Variants in FOXP1 observed in about 807,000 individuals in gnomAD.
FOXP1 encodes the protein forkhead box P1.
A neutral mutation model predicts 98.2 loss-of-function variants in FOXP1; 15 were observed. The observed-to-expected ratio is 0.15, with a 90% CI of 0.10 to 0.24. The LOEUF (loss-of-function observed/expected upper bound fraction) is 0.24, where lower values mean the gene tolerates loss of function less well. Ranked by LOEUF, FOXP1 falls within the 10% of genes least tolerant of loss-of-function variation. The pLI, the probability that FOXP1 is intolerant of heterozygous loss-of-function variation, is 1.00. For synonymous variants in FOXP1, 371 were observed against 314.5 expected (o/e 1.18, Z -1.90); for missense variants, 633 against 848.5 (o/e 0.75, Z 3.15).
intron 7 of FOXP1, among the ~76,000 whole-genome samples, chr3:71,057,485 A>T (rs79249615): frequency 2.0e-5 from 3 of 149,448 alleles, no homozygotes; most frequent in Admixed American, 6.7e-5. Flanking sequence ...AAAAAAAAAA[A>T]TTTCCGATAC....
At chr3:71,505,275 G>T (rs1560578159) in intron 2 of FOXP1, among the ~76,000 whole-genome samples, 2 of 152,114 alleles carry the variant, frequency 1.3e-5, no homozygotes, top group East Asian at 3.8e-4. Flanking sequence ...AAGCAGAAAA[G>T]CAAGGACCCA....
intron 2 of FOXP1, among the ~76,000 whole-genome samples, chr3:71,539,930 TCTGTCTTG>T (rs1347302898): frequency 6.6e-6 from 1 of 152,234 alleles, no homozygotes; most frequent in African/African-American, 2.4e-5. Context: ...ACAAATAGTG[TCTGTCTTG>T]CTTATCCTGC....
chr3:71,210,625 A>C (rs2064382273), intron 5 of FOXP1, among the ~76,000 whole-genome samples: 1 of 152,190 alleles, frequency 6.6e-6, no homozygotes, highest in East Asian at 1.9e-4. Context: ...CGGCTGCTGG[A>C]ACAACTAACA....
At chr3:71,179,214 C>T (rs1446505920) in intron 6 of FOXP1, among the ~76,000 whole-genome samples, 2 of 149,682 alleles carry the variant, frequency 1.3e-5, no homozygotes, top group African/African-American at 5.0e-5. Context: ...CTGCAACCTC[C>T]GCCTCCCGGG....
intron 3 of FOXP1, among the ~76,000 whole-genome samples, chr3:71,388,814 GA>G (rs1213079039): frequency 2.0e-5 from 3 of 152,126 alleles, no homozygotes; most frequent in Non-Finnish European, 4.4e-5. Context: ...TCCTTGAAAA[GA>G]AAAGAAAAAT....
At chr3:71,052,435 A>G (rs1202663823) in intron 9 of FOXP1, 102 bp downstream of exon 9, 42 of 796,572 alleles carry the variant, frequency 5.3e-5, no homozygotes, top group Non-Finnish European at 8.6e-5. Flanking sequence ...CGATAGAGTC[A>G]GCTCAGTTGT....
At chr3:71,271,178 C>G (rs111273062) in intron 5 of FOXP1, among the ~76,000 whole-genome samples, 10,222 of 152,152 alleles carry the variant, frequency 0.067, 1,128 homozygotes, top group African/African-American at 0.23. Context: ...TGCACTGAGC[C>G]CAGATAATGC....
intron 6 of FOXP1, among the ~76,000 whole-genome samples, chr3:71,194,706 A>C (rs1001499406): frequency 2.6e-5 from 4 of 152,242 alleles, no homozygotes; most frequent in African/African-American, 9.6e-5. Flanking sequence ...GATAATAGGA[A>C]ATAAAAAGCA....
At chr3:71,235,628 G>A (rs1023203552) in intron 5 of FOXP1, among the ~76,000 whole-genome samples, 3 of 151,978 alleles carry the variant, frequency 2.0e-5, no homozygotes, top group Non-Finnish European at 4.4e-5. Flanking sequence ...GTGCAGTGGT[G>A]CAATCTCAGC....
intron 3 of FOXP1, among the ~76,000 whole-genome samples, chr3:71,401,882 T>C (rs899950909): frequency 5.9e-5 from 9 of 152,226 alleles, no homozygotes; most frequent in African/African-American, 1.7e-4. Flanking sequence ...CAGCCGTTAC[T>C]TCCTCCCTGG....
At chr3:71,563,046 T>C (rs1024716277) in intron 2 of FOXP1, among the ~76,000 whole-genome samples, 1 of 152,086 alleles carries the variant, frequency 6.6e-6, no homozygotes, top group Non-Finnish European at 1.5e-5. Context: ...GAGAGATGAA[T>C]GAGGAGCCAG....
intron 3 of FOXP1, among the ~76,000 whole-genome samples, chr3:71,463,373 A>C (rs2088349331): frequency 1.4e-5 from 2 of 146,980 alleles, no homozygotes; most frequent in South Asian, 4.4e-4. Flanking sequence ...AAAAAAAAAA[A>C]AAAAAAACTC....
At chr3:71,153,545 GA>G (rs11343142) in intron 6 of FOXP1, among the ~76,000 whole-genome samples, 20,346 of 106,574 alleles carry the variant, frequency 0.19, 1,484 homozygotes, top group East Asian at 0.26. Context: ...CCATGCTTGA[GA>G]AAAAAAAAAA....
chr3:71,158,411 AAGTT>A (rs2060958793), intron 6 of FOXP1, among the ~76,000 whole-genome samples: 1 of 152,038 alleles, frequency 6.6e-6, no homozygotes, highest in African/African-American at 2.4e-5. Flanking sequence ...GTTGCAGACA[AAGTT>A]AGGAGGCCCC....
At chr3:71,263,073 G>A (rs1303386257) in intron 5 of FOXP1, among the ~76,000 whole-genome samples, 1 of 152,186 alleles carries the variant, frequency 6.6e-6, no homozygotes, top group South Asian at 2.1e-4. Context: ...CAAATCAGGA[G>A]TAGCTCAGCA....
intron 7 of FOXP1, among the ~76,000 whole-genome samples, chr3:71,061,196 A>G (rs891701258): frequency 2.0e-5 from 3 of 152,216 alleles, no homozygotes; most frequent in Admixed American, 2.0e-4. Context: ...ACAAGAGTCC[A>G]GAAATACGCT....
At chr3:71,345,738 A>G (rs1033992588) in intron 4 of FOXP1, among the ~76,000 whole-genome samples, 1 of 152,020 alleles carries the variant, frequency 6.6e-6, no homozygotes, top group East Asian at 1.9e-4. Context: ...TGCTGAGAGC[A>G]GGCGGCATTC....
At chr3:71,490,366 T>TGGGCAC (rs937356090) in intron 3 of FOXP1, among the ~76,000 whole-genome samples, 10 of 152,026 alleles carry the variant, frequency 6.6e-5, no homozygotes, top group African/African-American at 2.4e-4. Context: ...GGTGTGGTGG[T>TGGGCAC]GGGCACCTGC....
In FOXP1 at chr3:71,140,042, T is replaced by A. The variant is rs559715583; in HGVS notation, c.181-27405A>T. 2.8e-4 allele frequency among the ~76,000 whole-genome samples: 43 copies of A among 152,328 alleles called. 1 individual carries two copies. In the South Asian group the frequency reaches 8.9e-3, roughly 32 times the overall value. ...AACAAAGTAGTCCTCACTTAATATA[T>A]GATAATAAAAATCTGTTACATAGAA... On this transcript the variant is annotated intron_variant, in intron 6 of 20. Coordinates refer to ENST00000649528, the MANE Select transcript of FOXP1 (RefSeq NM_001349338.3).
Sources: gnomAD v4.1 joint callset for allele counts (sites outside exome capture counted in the v4.1 genomes callset) on GRCh38, gnomAD v4.1.1 for gene constraint, MANE v1.5 for transcripts, NCBI Gene and HGNC (gene_info 2026-07-23, HGNC 2026-07-21) for gene names.